Variants in NREP observed in about 807,000 individuals in gnomAD.
NREP encodes neuronal regeneration-related protein.
A neutral mutation model predicts 8.6 loss-of-function variants in NREP; 5 were observed. The observed-to-expected ratio is 0.58, with a 90% CI of 0.30 to 1.22. The LOEUF is 1.22. NREP is among the 50% of genes most tolerant of loss of function. NREP has a pLI of 0.07. For missense variants in NREP, 86 were observed against 82.5 expected (o/e 1.04, Z -0.17); for synonymous variants, 27 against 28.0 (o/e 0.96, Z 0.11).
chr5:111,804,026 A>G (rs1752078732), intron 2 of NREP, among the ~76,000 whole-genome samples: 1 of 152,170 alleles, frequency 6.6e-6, no homozygotes, highest in African/African-American at 2.4e-5. Flanking sequence ...TAACAAGTTG[A>G]TTCCAAAGTT....
chr5:111,904,593 A>C (rs1232380583), intron 2 of NREP, among the ~76,000 whole-genome samples: 1 of 151,928 alleles, frequency 6.6e-6, no homozygotes, highest in Non-Finnish European at 1.5e-5. Flanking sequence ...TGATAGTTCA[A>C]TTTTCTTTTT....
chr5:111,894,460 T>A (rs1754462381), intron 2 of NREP, among the ~76,000 whole-genome samples: 1 of 152,044 alleles, frequency 6.6e-6, no homozygotes, highest in Non-Finnish European at 1.5e-5. Flanking sequence ...TTTTTTTTTT[T>A]TCAGTTAGAG....
intron 2 of NREP, among the ~76,000 whole-genome samples, chr5:111,752,962 T>A (rs55972943): frequency 0.015 from 2,269 of 152,156 alleles, 60 homozygotes; most frequent in African/African-American, 0.051. Flanking sequence ...AATACCTAAA[T>A]AGATCTCATG....
At chr5:111,824,683 CTAATT>C (rs1470934244) in intron 2 of NREP, among the ~76,000 whole-genome samples, 2 of 152,066 alleles carry the variant, frequency 1.3e-5, no homozygotes, top group Non-Finnish European at 2.9e-5. Context: ...TATTACATTC[CTAATT>C]TGACTGTGGC....
intron 2 of NREP, among the ~76,000 whole-genome samples, chr5:111,944,258 C>A (rs979759392): frequency 6.6e-6 from 1 of 151,998 alleles, no homozygotes; most frequent in African/African-American, 2.4e-5. Flanking sequence ...ACTTTTCGAA[C>A]TTTGACACTT....
chr5:111,941,930 C>G (rs1322272795), intron 2 of NREP, among the ~76,000 whole-genome samples: 1 of 152,058 alleles, frequency 6.6e-6, no homozygotes, highest in Admixed American at 6.6e-5. Context: ...ATACTCACTA[C>G]TTCTTAGCCT....
chr5:111,874,521 G>T (rs1157887638), intron 2 of NREP, among the ~76,000 whole-genome samples: 1 of 152,094 alleles, frequency 6.6e-6, no homozygotes, highest in Non-Finnish European at 1.5e-5. Flanking sequence ...AAAAATTTGG[G>T]GAATTTAACA....
intron 3 of NREP, 22 bp downstream of exon 3, chr5:111,735,408 A>C: frequency 1.3e-6 from 2 of 1,525,932 alleles, no homozygotes; most frequent in Non-Finnish European, 1.8e-6. Context: ...AGTGTTAACA[A>C]TATGGCATCT....
At chr5:111,745,535 G>A (rs1480297450) in intron 2 of NREP, among the ~76,000 whole-genome samples, 1 of 152,124 alleles carries the variant, frequency 6.6e-6, no homozygotes, top group African/African-American at 2.4e-5. Flanking sequence ...ACCCCCAAAT[G>A]AACTCTCAAA....
chr5:111,910,416 G>A (rs550952132), intron 2 of NREP, among the ~76,000 whole-genome samples: 2 of 152,062 alleles, frequency 1.3e-5, no homozygotes, highest in Non-Finnish European at 2.9e-5. Context: ...CAAATTGGCT[G>A]CTATCTTTTT....
intron 2 of NREP, among the ~76,000 whole-genome samples, chr5:111,916,294 G>C (rs1226965803): frequency 2.0e-5 from 3 of 151,792 alleles, no homozygotes; most frequent in African/African-American, 7.3e-5. Flanking sequence ...CATAATCACA[G>C]TCATCATTGA....
chr5:111,779,791 G>C (rs1245494030), intron 2 of NREP, among the ~76,000 whole-genome samples: 1 of 152,180 alleles, frequency 6.6e-6, no homozygotes, highest in African/African-American at 2.4e-5. Context: ...CTTTGGAAAG[G>C]CAACTCAATC....
chr5:111,735,014 AGTTT>A (rs1194887589), intron 3 of NREP: 3 of 364,894 alleles, frequency 8.2e-6, no homozygotes, highest in Non-Finnish European at 1.5e-5. Flanking sequence ...GAAATGTAAC[AGTTT>A]TTTTGTTCCT....
intron 2 of NREP, among the ~76,000 whole-genome samples, chr5:111,925,575 T>G (rs1309292128): frequency 6.6e-6 from 1 of 152,204 alleles, no homozygotes; most frequent in African/African-American, 2.4e-5. Context: ...TGTAATTTTC[T>G]TCTAATATCA....
At chr5:111,845,774 G>A (rs949541321) in intron 2 of NREP, among the ~76,000 whole-genome samples, 1 of 151,588 alleles carries the variant, frequency 6.6e-6, no homozygotes, top group Non-Finnish European at 1.5e-5. Context: ...GGACTAACAT[G>A]ACCAAAGGTG....
chr5:111,809,197 T>C (rs1322603071), intron 2 of NREP, among the ~76,000 whole-genome samples: 2 of 152,234 alleles, frequency 1.3e-5, no homozygotes, highest in Admixed American at 1.3e-4. Context: ...TATCTTCCAC[T>C]CAAAATAGGC....
At chr5:111,923,489 T>C (rs1271588609) in intron 2 of NREP, among the ~76,000 whole-genome samples, 1 of 152,184 alleles carries the variant, frequency 6.6e-6, no homozygotes, top group African/African-American at 2.4e-5. Flanking sequence ...GGGCTGCAGA[T>C]CCCTCTACTA....
chr5:111,762,528 AG>A, upstream of NREP, among the ~76,000 whole-genome samples: 1 of 151,794 alleles, frequency 6.6e-6, no homozygotes. Context: ...ATTTGGAGAT[AG>A]GGTCTTTAAA....
intron 2 of NREP, among the ~76,000 whole-genome samples, chr5:111,778,845 C>A (rs1751424305): frequency 6.6e-6 from 1 of 152,114 alleles, no homozygotes; most frequent in South Asian, 2.1e-4. Flanking sequence ...AGAGATACTT[C>A]AACAGCATAC....
Sources: allele counts gnomAD v4.1 joint callset (sites outside exome capture counted in the v4.1 genomes callset), GRCh38; gene constraint gnomAD v4.1.1; transcripts MANE v1.5; gene names NCBI Gene and HGNC (gene_info 2026-07-23, HGNC 2026-07-21).